ADGRB3: variants seen among roughly 807,000 people sequenced by gnomAD.
ADGRB3 encodes the protein brain-specific angiogenesis inhibitor 3.
Under a neutral mutation model 193.4 loss-of-function variants are expected in ADGRB3, and 37 were observed. The observed-to-expected ratio is 0.19, with a 90% CI of 0.15 to 0.25. The LOEUF (loss-of-function observed/expected upper bound fraction) is 0.25, where lower values mean the gene tolerates loss of function less well. Among genes scored for constraint, ADGRB3 ranks in the 10% least tolerant of loss-of-function variants. The pLI is 1.00. For synonymous variants in ADGRB3, 690 were observed against 644.2 expected (o/e 1.07, Z -1.08); for missense variants, 1,637 against 1,852.9 (o/e 0.88, Z 2.14).
chr6:68,767,344 G>C (rs1478280983), intron 3 of ADGRB3, among the ~76,000 whole-genome samples: 5 of 152,108 alleles, frequency 3.3e-5, no homozygotes, highest in Non-Finnish European at 5.9e-5. Context: ...TATCCACCAT[G>C]ATCAAGTCAG....
At chr6:68,692,680 T>C (rs1243942824) in intron 3 of ADGRB3, among the ~76,000 whole-genome samples, 1 of 151,790 alleles carries the variant, frequency 6.6e-6, no homozygotes, top group Non-Finnish European at 1.5e-5. Context: ...CTTTAAAATA[T>C]CCCTAAGGCT....
chr6:68,988,374 G>C (rs1390117937), intron 10 of ADGRB3, among the ~76,000 whole-genome samples: 1 of 152,122 alleles, frequency 6.6e-6, no homozygotes, highest in Non-Finnish European at 1.5e-5. Flanking sequence ...AGCATTTAAA[G>C]TGACAGAATA....
At chr6:68,984,706 A>T (rs1238540387) in intron 10 of ADGRB3, among the ~76,000 whole-genome samples, 1 of 152,174 alleles carries the variant, frequency 6.6e-6, no homozygotes, top group Non-Finnish European at 1.5e-5. Context: ...TAGAAGAGAA[A>T]CATGAAAAAT....
intron 23 of ADGRB3, chr6:69,332,531 A>G: frequency 2.7e-5 from 27 of 985,390 alleles, no homozygotes; most frequent in Non-Finnish European, 3.3e-5. Flanking sequence ...CCCTAACCTC[A>G]TACTCTAAGA....
At chr6:68,814,202 A>T (rs1200953925) in intron 3 of ADGRB3, among the ~76,000 whole-genome samples, 3 of 152,142 alleles carry the variant, frequency 2.0e-5, no homozygotes, top group Non-Finnish European at 4.4e-5. Flanking sequence ...ATTTCTCCAC[A>T]TCCTCTCCGG....
chr6:68,740,245 A>C (rs2127340091), intron 3 of ADGRB3, among the ~76,000 whole-genome samples: 1 of 152,184 alleles, frequency 6.6e-6, no homozygotes, highest in Admixed American at 6.5e-5. Flanking sequence ...CTTTTCAAAG[A>C]CCTCTGTTAT....
intron 18 of ADGRB3, 48 bp from the exon 19 acceptor site, chr6:69,234,984 A>G: frequency 1.1e-5 from 16 of 1,460,058 alleles, no homozygotes; most frequent in Non-Finnish European, 1.3e-5. Flanking sequence ...AGTTATTTTA[A>G]TTTATTAAAA....
chr6:68,682,497 C>G (rs1055239414), intron 3 of ADGRB3, among the ~76,000 whole-genome samples: 1 of 152,060 alleles, frequency 6.6e-6, no homozygotes, highest in African/African-American at 2.4e-5. Flanking sequence ...TTGGCAAGAA[C>G]AAAAATAGTG....
chr6:69,081,482 A>AC (rs1582446736), intron 17 of ADGRB3, among the ~76,000 whole-genome samples: 1 of 151,932 alleles, frequency 6.6e-6, no homozygotes, highest in African/African-American at 2.4e-5. Flanking sequence ...CAATAGAAAA[A>AC]ATTTAATTTT....
chr6:69,013,113 T>G (rs1239549169), intron 11 of ADGRB3, among the ~76,000 whole-genome samples: 1 of 152,136 alleles, frequency 6.6e-6, no homozygotes, highest in East Asian at 1.9e-4. Flanking sequence ...GCACGCTGGT[T>G]GTTCTCTCCT....
In ADGRB3 at chr6:69,253,697, A is replaced by G. The variant is rs189794221; in HGVS notation, c.2814+14471A>G. 5.3e-5 allele frequency among the ~76,000 whole-genome samples: 8 copies of G among 152,180 alleles called. No homozygotes were observed. In the East Asian group the frequency reaches 1.5e-3, roughly 29 times the overall value. Reference sequence around the variant, plus strand: ...TTCCTTGCTCTTATTGTCTTTCAATACTCTGTCTTTTGGATATTTTATGTG... The same window carrying G: ...TTCCTTGCTCTTATTGTCTTTCAATGCTCTGTCTTTTGGATATTTTATGTG... On this transcript the variant is annotated intron_variant, in intron 20 of 31. Coordinates refer to ENST00000370598, the MANE Select transcript of ADGRB3 (RefSeq NM_001704.3).
intron 3 of ADGRB3, among the ~76,000 whole-genome samples, chr6:68,667,801 A>T (rs1482773343): frequency 6.6e-6 from 1 of 151,926 alleles, no homozygotes; most frequent in Non-Finnish European, 1.5e-5. Flanking sequence ...ATCATGTGAT[A>T]TACTTTGGCC....
At chr6:68,689,399 A>G (rs1004970476) in intron 3 of ADGRB3, among the ~76,000 whole-genome samples, 1 of 152,174 alleles carries the variant, frequency 6.6e-6, no homozygotes, top group African/African-American at 2.4e-5. Context: ...GGTGCAGTTC[A>G]TAGGGTACAA....
At chr6:68,958,872 TGTGTGTGTGTGTG>T (rs1371000489) in intron 8 of ADGRB3, among the ~76,000 whole-genome samples, 3 of 28,866 alleles carry the variant, frequency 1.0e-4, no homozygotes, top group African/African-American at 4.0e-4. Flanking sequence ...AGAAAAATAG[TGTGTGTGTGTGTG>T]TGTGTGTGTG....
At chr6:69,357,918 C>A (rs1769369146) in intron 28 of ADGRB3, among the ~76,000 whole-genome samples, 1 of 151,906 alleles carries the variant, frequency 6.6e-6, no homozygotes, top group African/African-American at 2.4e-5. Context: ...CATCCACCTG[C>A]CATAATTTCT....
At chr6:69,043,856 G>A (rs2150300084) in intron 13 of ADGRB3, among the ~76,000 whole-genome samples, 1 of 152,220 alleles carries the variant, frequency 6.6e-6, no homozygotes, top group African/African-American at 2.4e-5. Context: ...ACTGATAGAG[G>A]ATGCTATAAA....
intron 16 of ADGRB3, among the ~76,000 whole-genome samples, chr6:69,066,463 G>A (rs2150309391): frequency 6.6e-6 from 1 of 151,858 alleles, no homozygotes; most frequent in Admixed American, 6.6e-5. Context: ...TTTTAAAAAT[G>A]TGTCTCAGAA....
intron 16 of ADGRB3, among the ~76,000 whole-genome samples, chr6:69,068,501 T>C (rs1042051051): frequency 1.3e-5 from 2 of 152,190 alleles, no homozygotes; most frequent in African/African-American, 4.8e-5. Context: ...CCAGACTTTG[T>C]GCAGCCATTA....
chr6:68,721,202 A>G (rs1765569703), intron 3 of ADGRB3, among the ~76,000 whole-genome samples: 2 of 151,924 alleles, frequency 1.3e-5, no homozygotes, highest in Non-Finnish European at 2.9e-5. Context: ...CACCACTCAC[A>G]ATAGCAAAGA....
Sources: allele counts gnomAD v4.1 joint callset (sites outside exome capture counted in the v4.1 genomes callset), GRCh38; gene constraint gnomAD v4.1.1; transcripts MANE v1.5; gene names NCBI Gene and HGNC (gene_info 2026-07-23, HGNC 2026-07-21).